Variants in NCR3LG1 observed in about 807,000 individuals in gnomAD.
NCR3LG1 encodes the protein natural cytotoxicity triggering receptor 3 ligand 1.
Under a neutral mutation model 34.8 loss-of-function variants are expected in NCR3LG1, and 35 were observed. The observed-to-expected ratio is 1.01, with a 90% CI of 0.77 to 1.33. The LOEUF (loss-of-function observed/expected upper bound fraction) is 1.33, where lower values mean the gene tolerates loss of function less well. Among genes scored for constraint, NCR3LG1 ranks in the 40% most tolerant of loss-of-function variants. The pLI is 0.00. For missense variants in NCR3LG1, 452 were observed against 423.3 expected, an observed-to-expected ratio of 1.07 and a Z score of -0.60; for synonymous variants, 173 against 163.6, an observed-to-expected ratio of 1.06 and a Z score of -0.44.
chr11:17,367,141 C>T lies in NCR3LG1; in HGVS notation c.554C>T (p.Pro185Leu). 1 of 1,536,518 alleles carries T rather than the reference C, an allele frequency of 6.5e-7. No individual in the cohort carries two copies. Among genetic ancestry groups the T allele is most frequent in the Non-Finnish European group, 8.7e-7 (1 of 1,147,012 alleles). ...TGGGAGAAGCAGACCCAGAAGTTTC[C>T]CCATCCCATAGAGATTTCTGAGGAT... Reference protein sequence around the residue: ...ITWEKQTQKFPHPIEISEDVI... With the variant: ...ITWEKQTQKFLHPIEISEDVI... Residue 185 changes from proline (P) to leucine (L), a missense_variant, in exon 3 of 5, where the codon CCC (proline) becomes CTC (leucine). Pro to Leu is a moderately conservative substitution (Grantham distance 98). Transcript: ENST00000338965.
In NCR3LG1 at chr11:17,371,993, C is replaced by T. The variant is rs550187004; in HGVS notation, c.859-13C>T. 96 of 693,904 alleles carry T rather than the reference C, an allele frequency of 1.4e-4. No homozygotes were observed. The African/African-American group carries it at 1.6e-3, about 12-fold the overall frequency. 43.0% of individuals were successfully genotyped at this position (693,904 alleles called of 1,614,324 possible). On this transcript the variant is annotated splice_polypyrimidine_tract_variant and intron_variant, in intron 4 of 4. Coordinates refer to ENST00000338965, the MANE Select transcript of NCR3LG1 (RefSeq NM_001202439.3). ...GGAGACTAAGGGATGCCTTTTCTCT[C>T]CTCTTTTTCTAGATATGTAACAAAT...
chr11:17,355,189 G>A (rs1323273492), intron 1 of NCR3LG1, among the ~76,000 whole-genome samples: 1 of 152,108 alleles, frequency 6.6e-6, no homozygotes, highest in East Asian at 1.9e-4. Context: ...TTGAGCCCAG[G>A]AGTTAGAGAC....
chr11:17,371,170 A>G (rs982096703), intron 4 of NCR3LG1, among the ~76,000 whole-genome samples: 1 of 152,000 alleles, frequency 6.6e-6, no homozygotes, highest in Non-Finnish European at 1.5e-5. Flanking sequence ...TTTTTTTTCT[A>G]CTGGACAGCA....
chr11:17,363,598 TTTC>T (rs1363953672), intron 2 of NCR3LG1, among the ~76,000 whole-genome samples: 1 of 141,562 alleles, frequency 7.1e-6, no homozygotes, highest in Non-Finnish European at 1.6e-5. Context: ...CTTTTCTTTC[TTTC>T]TTCTTTTGAG....
rs1028123049 is a variant in NCR3LG1, at chr11:17,372,334, A to G, written c.1187A>G (p.Lys396Arg). 2.8e-6 allele frequency: 2 copies of G among 702,984 alleles called. No homozygotes were observed. Among genetic ancestry groups the G allele is most frequent in the Non-Finnish European group, 5.2e-6 (2 of 385,028 alleles). The allele number at this position is 702,984 out of a possible 1,614,324, so 43.5% of individuals were successfully genotyped here. A position where few individuals can be genotyped will look rare whatever the true frequency, so the allele number is the denominator to read the frequency against. The part of the protein sequence containing the change: ...DPALLTVTSG[K>R]SIDDNSTKSE... ...GCTCTCCTAACAGTTACATCAGGCAAGTCCATAGATGATAATTCCACAAAG... is the reference window on the plus strand; with the variant it reads ...GCTCTCCTAACAGTTACATCAGGCAGGTCCATAGATGATAATTCCACAAAG... The change falls in exon 5 of 5, where the codon AAG becomes AGG. Residue 396 changes from lysine (K) to arginine (R), a missense_variant. Transcript: ENST00000338965.
chr11:17,354,545 C>CTTTTTTTTTTTTTTTTTTTTTT (rs71047545), intron 1 of NCR3LG1, among the ~76,000 whole-genome samples: 6 of 70,334 alleles, frequency 8.5e-5, no homozygotes, highest in Admixed American at 1.4e-4. Flanking sequence ...AATTCTTCTT[C>CTTTTTTTTTTTTTTTTTTTTTT]TTTTTTTTTT....
intron 2 of NCR3LG1, among the ~76,000 whole-genome samples, chr11:17,363,494 T>G (rs1953305568): frequency 7.1e-6 from 1 of 140,980 alleles, no homozygotes; most frequent in African/African-American, 2.8e-5. Flanking sequence ...TTTTTCTGTC[T>G]TTCTTTTCCC....
downstream of NCR3LG1, among the ~76,000 whole-genome samples, chr11:17,379,411 T>G (rs1953502354): frequency 6.6e-6 from 1 of 152,258 alleles, no homozygotes; most frequent in Non-Finnish European, 1.5e-5. Context: ...TCCATTGCTG[T>G]GTAACTTTGT....
chr11:17,354,663 C>G (rs766040684), intron 1 of NCR3LG1, among the ~76,000 whole-genome samples: 1 of 149,918 alleles, frequency 6.7e-6, no homozygotes, highest in Non-Finnish European at 1.5e-5. Context: ...TGGTTGGCCA[C>G]CAGGGGGAAG....
chr11:17,356,136 C>CTTT (rs71457872), intron 1 of NCR3LG1, among the ~76,000 whole-genome samples: 28 of 104,520 alleles, frequency 2.7e-4, no homozygotes, highest in Admixed American at 4.2e-4. Context: ...TTCTTTCTTT[C>CTTT]TTTTTTTTTT....
At chr11:17,353,613 C>A (rs1016267969) in intron 1 of NCR3LG1, among the ~76,000 whole-genome samples, 1 of 152,244 alleles carries the variant, frequency 6.6e-6, no homozygotes, top group Non-Finnish European at 1.5e-5. Flanking sequence ...CGTCCGGTCT[C>A]GGTCCCCGCG....
Position 17,372,307 on chromosome 11 carries a change from C to T in NCR3LG1, c.1160C>T (p.Pro387Leu). 1.4e-6 allele frequency: 1 copy of T among 703,126 alleles called. No individual in the cohort carries two copies. Among genetic ancestry groups the T allele is most frequent in the South Asian group, 1.5e-5 (1 of 67,602 alleles). 43.6% of individuals were successfully genotyped at this position (703,126 alleles called of 1,614,324 possible). The change falls in exon 5 of 5, where the codon CCT becomes CTT. Residue 387 changes from proline to leucine, a missense_variant. By Grantham distance (98) the Pro-to-Leu change is moderately conservative. Coordinates refer to ENST00000338965, the MANE Select transcript of NCR3LG1 (RefSeq NM_001202439.3). ...CTTTGTCAGTGTTGTAGAATTGACC[C>T]TGCTCTCCTAACAGTTACATCAGGC... Reference protein sequence around the residue: ...PDLCQCCRIDPALLTVTSGKS... With the variant: ...PDLCQCCRIDLALLTVTSGKS...
chr11:17,375,542 A>G lies in NCR3LG1; in HGVS notation c.*3030A>G, dbSNP rs1029344204. 6.6e-6 allele frequency: 1 copy of G among 152,278 alleles called. No homozygotes were observed. The highest frequency in any genetic ancestry group is 2.4e-5 in the African/African-American group (1 of 41,468). 9.4% of individuals were successfully genotyped at this position (152,278 alleles called of 1,614,324 possible). A position where few individuals can be genotyped will look rare whatever the true frequency, so the allele number is the denominator to read the frequency against. ...ACAGCTAACATTTATACTGACTCCA[A>G]GTGTACCTTTCTAGTTCTCCTTGCC... is the stretch of plus-strand genomic sequence containing the variant. On this transcript the variant is annotated 3_prime_UTR_variant, in exon 5 of 5. Coordinates refer to ENST00000338965, the MANE Select transcript of NCR3LG1 (RefSeq NM_001202439.3).
At position 17,374,499 on chromosome 11, in the gene NCR3LG1, C is replaced by G. The variant is rs1953451817; in HGVS notation, c.*1987C>G. 1 of 152,186 alleles carries G rather than the reference C, an allele frequency of 6.6e-6. No homozygotes were observed. The highest frequency in any genetic ancestry group is 2.1e-4 in the South Asian group (1 of 4,832). 9.4% of individuals were successfully genotyped at this position (152,186 alleles called of 1,614,324 possible). A position where few individuals can be genotyped will look rare whatever the true frequency, so the allele number is the denominator to read the frequency against. On this transcript the variant is annotated 3_prime_UTR_variant, in exon 5 of 5. Coordinates refer to ENST00000338965, the MANE Select transcript of NCR3LG1 (RefSeq NM_001202439.3). ...ACTGAGGAAGTTTCTTGAGACGGCA[C>G]TGAGGCTCTCCTTAATTTCCTAGCT...
chr11:17,370,225 G>A (rs1265825122), intron 4 of NCR3LG1, among the ~76,000 whole-genome samples: 3 of 152,196 alleles, frequency 2.0e-5, no homozygotes, highest in African/African-American at 7.2e-5. Flanking sequence ...GCAGTGGAGT[G>A]CTTTCTTCTT....
intron 2 of NCR3LG1, among the ~76,000 whole-genome samples, chr11:17,364,718 G>A (rs1380514210): frequency 6.6e-6 from 1 of 151,764 alleles, no homozygotes; most frequent in African/African-American, 2.4e-5. Flanking sequence ...GGCTAATTTT[G>A]TATTTTTAGT....
chr11:17,352,964 C>A (rs1953156031), intron 1 of NCR3LG1, among the ~76,000 whole-genome samples: 1 of 152,188 alleles, frequency 6.6e-6, no homozygotes, highest in Non-Finnish European at 1.5e-5. Context: ...GGCCAAAATA[C>A]GCTCCTGGGT....
At chr11:17,370,276 C>T (rs560226412) in intron 4 of NCR3LG1, among the ~76,000 whole-genome samples, 11 of 152,244 alleles carry the variant, frequency 7.2e-5, no homozygotes, top group African/African-American at 2.4e-4. Flanking sequence ...CTTTGGGGTC[C>T]GCGCTCCTTA....
chr11:17,361,832 G>T (rs1286966994), intron 2 of NCR3LG1, among the ~76,000 whole-genome samples: 1 of 151,602 alleles, frequency 6.6e-6, no homozygotes, highest in Non-Finnish European at 1.5e-5. Flanking sequence ...TTTTACAGAG[G>T]TGAGGTCTCA....
Sources: allele counts gnomAD v4.1 joint callset (sites outside exome capture counted in the v4.1 genomes callset), GRCh38; gene constraint gnomAD v4.1.1; transcripts MANE v1.5; gene names NCBI Gene and HGNC (gene_info 2026-07-23, HGNC 2026-07-21).